The following FBXO4 variants were observed in gnomAD, a reference collection of about 807,000 sequenced individuals.
FBXO4 encodes F-box protein 4, also known as F-box only protein 4.
FBXO4 carries 36 observed loss-of-function variants against 43.7 expected under a neutral mutation model. That is an observed-to-expected ratio of 0.82 (90% CI 0.63 to 1.09). The LOEUF (loss-of-function observed/expected upper bound fraction) is 1.09. Among genes scored for constraint, FBXO4 ranks in the 50% least tolerant of loss-of-function variants. The pLI is 0.00. For synonymous variants in FBXO4, 180 were observed against 165.6 expected, an observed-to-expected ratio of 1.09 and a Z score of -0.67; for missense variants, 435 against 474.1, an observed-to-expected ratio of 0.92 and a Z score of 0.77.
the FBXO4 span, among the ~76,000 whole-genome samples, chr5:41,970,487 T>A: frequency 6.6e-6 from 1 of 151,912 alleles, no homozygotes. Flanking sequence ...CAGGCCCAAA[T>A]GATATTATTA....
the FBXO4 span, among the ~76,000 whole-genome samples, chr5:42,017,583 TC>T: frequency 0.11 from 16,617 of 149,110 alleles, 1,434 homozygotes; most frequent in African/African-American, 0.24. Context: ...TCAACCCTTG[TC>T]CCCCTCTTTC....
At chr5:41,969,747 A>T in the FBXO4 span, among the ~76,000 whole-genome samples, 1 of 152,144 alleles carries the variant, frequency 6.6e-6, no homozygotes. Flanking sequence ...TTAAAATCCA[A>T]ACTTCAGAAT....
At chr5:41,951,733 T>G in the FBXO4 span, 149 of 217,896 alleles carry the variant, frequency 6.8e-4, no homozygotes, top group African/African-American at 3.4e-3. Context: ...CCACATAGCA[T>G]GGAGGAAAAC....
the FBXO4 span, among the ~76,000 whole-genome samples, chr5:41,958,478 T>C: frequency 6.6e-6 from 1 of 152,212 alleles, no homozygotes; most frequent in African/African-American, 2.4e-5. Context: ...GTAGTAAACA[T>C]GAGTACAATA....
At chr5:41,951,791 A>T in the FBXO4 span, 48 of 204,898 alleles carry the variant, frequency 2.3e-4, no homozygotes, top group Non-Finnish European at 3.8e-4. Context: ...ACATGCCTCT[A>T]TGAGAGGCTT....
At chr5:42,010,292 G>T in the FBXO4 span, among the ~76,000 whole-genome samples, 1 of 152,106 alleles carries the variant, frequency 6.6e-6, no homozygotes, top group Admixed American at 6.6e-5. Context: ...TAGGTCAGGA[G>T]TACAAGACCA....
At chr5:41,958,375 C>T in the FBXO4 span, among the ~76,000 whole-genome samples, 1 of 152,114 alleles carries the variant, frequency 6.6e-6, no homozygotes, top group Admixed American at 6.5e-5. Context: ...ACCTCGTGAT[C>T]GCCCACCTTG....
intron 1 of FBXO4, among the ~76,000 whole-genome samples, chr5:41,925,947 A>C (rs1751481128): frequency 6.6e-6 from 1 of 152,194 alleles, no homozygotes; most frequent in Non-Finnish European, 1.5e-5. Context: ...TTACCCTCTC[A>C]AGAGGACATT....
the FBXO4 span, among the ~76,000 whole-genome samples, chr5:41,956,712 C>CTTT: frequency 1.6e-5 from 2 of 126,702 alleles, no homozygotes; most frequent in Non-Finnish European, 3.4e-5. Flanking sequence ...TTTTCTTCTT[C>CTTT]TTTTTTTTTT....
At chr5:41,991,363 AC>A in the FBXO4 span, among the ~76,000 whole-genome samples, 7 of 152,108 alleles carry the variant, frequency 4.6e-5, no homozygotes, top group African/African-American at 1.7e-4. Context: ...TCTACTCCTA[AC>A]CTAAAACTAG....
the FBXO4 span, among the ~76,000 whole-genome samples, chr5:41,986,495 A>T: frequency 6.6e-6 from 1 of 152,132 alleles, no homozygotes; most frequent in Admixed American, 6.6e-5. Context: ...CCTACTATTC[A>T]CTTTCTTCCA....
At chr5:41,971,937 C>A in the FBXO4 span, among the ~76,000 whole-genome samples, 1 of 151,918 alleles carries the variant, frequency 6.6e-6, no homozygotes, top group East Asian at 1.9e-4. Flanking sequence ...CAGTTCTATA[C>A]CCCAAAGTGA....
chr5:41,993,837 C>A, the FBXO4 span, among the ~76,000 whole-genome samples: 1 of 152,008 alleles, frequency 6.6e-6, no homozygotes, highest in South Asian at 2.1e-4. Flanking sequence ...GGCTAGGAGG[C>A]TAAGCCAGTC....
chr5:42,024,874 C>G, the FBXO4 span, among the ~76,000 whole-genome samples: 18 of 151,694 alleles, frequency 1.2e-4, no homozygotes, highest in Non-Finnish European at 2.4e-4. Flanking sequence ...TTGCAAATGA[C>G]AGGATCTCAT....
At chr5:41,945,674 AGCC>A (rs1752067522), downstream of FBXO4, among the ~76,000 whole-genome samples, 1 of 152,164 alleles carries the variant, frequency 6.6e-6, no homozygotes, top group African/African-American at 2.4e-5. Context: ...CCTTATGGAG[AGCC>A]TATAAATGGA....
the FBXO4 span, among the ~76,000 whole-genome samples, chr5:41,948,641 T>G: frequency 1.3e-5 from 2 of 152,260 alleles, no homozygotes; most frequent in Admixed American, 1.3e-4. Flanking sequence ...ATATATTATT[T>G]TGCTTTTATC....
downstream of FBXO4, among the ~76,000 whole-genome samples, chr5:41,942,972 C>T (rs1485793926): frequency 6.6e-6 from 1 of 152,014 alleles, no homozygotes; most frequent in Admixed American, 6.6e-5. Flanking sequence ...TAAATGCTAG[C>T]CTTTATGACA....
the FBXO4 span, among the ~76,000 whole-genome samples, chr5:42,027,623 T>C: frequency 6.6e-6 from 1 of 151,912 alleles, no homozygotes; most frequent in Non-Finnish European, 1.5e-5. Context: ...TTCTTTAACA[T>C]GCATCATTAG....
the FBXO4 span, among the ~76,000 whole-genome samples, chr5:42,009,691 G>T: frequency 2.0e-5 from 3 of 152,108 alleles, no homozygotes; most frequent in African/African-American, 7.2e-5. Context: ...TCAGTCACTG[G>T]ACTGTTACAT....
Sources: gnomAD v4.1 joint callset for allele counts (sites outside exome capture counted in the v4.1 genomes callset) on GRCh38, gnomAD v4.1.1 for gene constraint, MANE v1.5 for transcripts, NCBI Gene and HGNC (gene_info 2026-07-23, HGNC 2026-07-21) for gene names.